Variants in CACNA2D3 observed in about 807,000 individuals in gnomAD.
CACNA2D3 encodes the protein voltage-dependent calcium channel subunit alpha-2/delta-3.
A neutral mutation model predicts 160.6 loss-of-function variants in CACNA2D3; 60 were observed. That is an observed-to-expected ratio of 0.37 (90% CI 0.30 to 0.46). CACNA2D3 has a LOEUF of 0.46. Ranked by LOEUF, CACNA2D3 falls within the 20% of genes least tolerant of loss-of-function variation. CACNA2D3 has a pLI of 1.00. For synonymous variants in CACNA2D3, 558 were observed against 492.9 expected (o/e 1.13, Z -1.75); for missense variants, 1,205 against 1,365.0 (o/e 0.88, Z 1.85).
intron 27 of CACNA2D3, among the ~76,000 whole-genome samples, chr3:54,935,922 A>G (rs1052336423): frequency 6.6e-6 from 1 of 152,190 alleles, no homozygotes; most frequent in Non-Finnish European, 1.5e-5. Flanking sequence ...CACATCCTGC[A>G]CTTCAGGAAT....
intron 2 of CACNA2D3, among the ~76,000 whole-genome samples, chr3:54,152,125 C>G (rs1700163132): frequency 6.6e-6 from 1 of 152,196 alleles, no homozygotes; most frequent in African/African-American, 2.4e-5. Flanking sequence ...TTATCTGTGC[C>G]CTTGGGTCTC....
intron 2 of CACNA2D3, among the ~76,000 whole-genome samples, chr3:54,166,028 G>T (rs1178117348): frequency 1.3e-5 from 2 of 152,154 alleles, no homozygotes; most frequent in African/African-American, 2.4e-5. Flanking sequence ...GAGGAGCCCA[G>T]ACATGGGAAG....
intron 11 of CACNA2D3, among the ~76,000 whole-genome samples, chr3:54,699,698 G>A (rs1016981351): frequency 7.2e-5 from 11 of 151,988 alleles, no homozygotes; most frequent in Admixed American, 1.3e-4. Context: ...TGTTCCTTTG[G>A]GTGAGTGATT....
chr3:54,628,962 C>T (rs747423867), intron 10 of CACNA2D3, among the ~76,000 whole-genome samples: 13 of 152,054 alleles, frequency 8.5e-5, no homozygotes, highest in Admixed American at 5.2e-4. Flanking sequence ...GACACAGTCA[C>T]GGCCAGAAAA....
chr3:54,581,405 C>T (rs1381414095), intron 8 of CACNA2D3, among the ~76,000 whole-genome samples: 3 of 152,176 alleles, frequency 2.0e-5, no homozygotes, highest in African/African-American at 7.2e-5. Flanking sequence ...CCCTTGGTTC[C>T]ATGAAGCCAA....
chr3:54,813,820 C>T (rs978549149), intron 13 of CACNA2D3, among the ~76,000 whole-genome samples: 1 of 150,462 alleles, frequency 6.6e-6, no homozygotes, highest in Non-Finnish European at 1.5e-5. Flanking sequence ...AATGTTTTGC[C>T]ATTTCTTATT....
At position 54,318,269 on chromosome 3, in the gene CACNA2D3, T is replaced by C. The variant is rs4077645; in HGVS notation, c.205-2173T>C. Among the ~76,000 whole-genome samples the C allele has an allele frequency of 4.6e-3, 705 of 152,196 alleles. 22 individuals carry two copies. The East Asian group carries it at 0.085, about 18-fold the overall frequency. ...GATGGAGCATGAACCCTTCTTGTGT[T>C]GGAGAATAGGACAGCTTTGGTGGGG... On this transcript the variant is annotated intron_variant, in intron 2 of 37. Transcript: ENST00000474759.
At chr3:54,470,605 G>A (rs1356420989) in intron 4 of CACNA2D3, among the ~76,000 whole-genome samples, 2 of 152,150 alleles carry the variant, frequency 1.3e-5, no homozygotes, top group African/African-American at 4.8e-5. Flanking sequence ...AAATGTAAAT[G>A]GGCTAAATGC....
chr3:55,072,411 G>A (rs907310862), intron 35 of CACNA2D3, among the ~76,000 whole-genome samples: 5 of 152,124 alleles, frequency 3.3e-5, no homozygotes, highest in Admixed American at 2.6e-4. Flanking sequence ...TCTTTATAAC[G>A]TCCCATAAAG....
intron 4 of CACNA2D3, among the ~76,000 whole-genome samples, chr3:54,435,669 G>A (rs1010658206): frequency 3.9e-5 from 6 of 152,130 alleles, no homozygotes; most frequent in Admixed American, 2.0e-4. Flanking sequence ...TATCCAAAAT[G>A]TCCAGGATAT....
At chr3:54,746,530 T>C (rs1360563839) in intron 11 of CACNA2D3, among the ~76,000 whole-genome samples, 1 of 152,184 alleles carries the variant, frequency 6.6e-6, no homozygotes, top group Non-Finnish European at 1.5e-5. Context: ...AAGGCATGCC[T>C]AATACGGAGG....
chr3:55,025,494 G>A (rs1703546133), intron 35 of CACNA2D3, among the ~76,000 whole-genome samples: 1 of 151,970 alleles, frequency 6.6e-6, no homozygotes, highest in Non-Finnish European at 1.5e-5. Context: ...TGGCCAGGCA[G>A]GGTGGTATGC....
chr3:54,167,413 C>T (rs953735275), intron 2 of CACNA2D3, among the ~76,000 whole-genome samples: 3 of 152,168 alleles, frequency 2.0e-5, no homozygotes, highest in South Asian at 2.1e-4. Flanking sequence ...CATCTTCCAG[C>T]GGGTTCCTTA....
intron 2 of CACNA2D3, among the ~76,000 whole-genome samples, chr3:54,206,562 C>G (rs748388135): frequency 3.7e-4 from 57 of 152,124 alleles, no homozygotes; most frequent in Non-Finnish European, 6.9e-4. Flanking sequence ...GAAACCCTGC[C>G]GCGACCCAAC....
intron 4 of CACNA2D3, among the ~76,000 whole-genome samples, chr3:54,430,080 A>G (rs1033413431): frequency 1.3e-5 from 2 of 152,224 alleles, no homozygotes; most frequent in African/African-American, 4.8e-5. Context: ...GAGTTCCACC[A>G]TAGTATGAAT....
intron 13 of CACNA2D3, among the ~76,000 whole-genome samples, chr3:54,804,267 G>C (rs1488465583): frequency 6.6e-6 from 1 of 151,858 alleles, no homozygotes; most frequent in Non-Finnish European, 1.5e-5. Context: ...TGGCAAATTG[G>C]ATAAAGAGTC....
chr3:54,934,439 T>C (rs1286967122), intron 27 of CACNA2D3, among the ~76,000 whole-genome samples: 1 of 152,190 alleles, frequency 6.6e-6, no homozygotes. Context: ...AGGTAAGAAT[T>C]CAGGTTCAAG....
intron 13 of CACNA2D3, among the ~76,000 whole-genome samples, chr3:54,801,492 A>G (rs950530920): frequency 1.3e-5 from 2 of 152,188 alleles, no homozygotes; most frequent in East Asian, 3.9e-4. Flanking sequence ...GATGTCCATT[A>G]CCGTGTCATT....
At chr3:54,330,226 G>A (rs1049970933) in intron 3 of CACNA2D3, among the ~76,000 whole-genome samples, 2 of 151,744 alleles carry the variant, frequency 1.3e-5, no homozygotes, top group East Asian at 1.9e-4. Context: ...GTGTGTGTGT[G>A]TGTGTGTGTG....
Sources: allele counts gnomAD v4.1 joint callset (sites outside exome capture counted in the v4.1 genomes callset), GRCh38; gene constraint gnomAD v4.1.1; transcripts MANE v1.5; gene names NCBI Gene and HGNC (gene_info 2026-07-23, HGNC 2026-07-21).